Variants in SHC2 observed in about 807,000 individuals in gnomAD.
SHC2 encodes SHC adaptor protein 2.
A neutral mutation model predicts 60.6 loss-of-function variants in SHC2; 62 were observed. That is an observed-to-expected ratio of 1.02 (90% CI 0.83 to 1.26). The LOEUF (loss-of-function observed/expected upper bound fraction) is 1.26, where lower values mean the gene tolerates loss of function less well. Among genes scored for constraint, SHC2 ranks in the 50% most tolerant of loss-of-function variants. The pLI is 0.00. For missense variants in SHC2, 873 were observed against 822.2 expected, an observed-to-expected ratio of 1.06 and a Z score of -0.76; for synonymous variants, 375 against 372.4, an observed-to-expected ratio of 1.01 and a Z score of -0.08.
Position 445,239 on chromosome 19 carries a change from G to T in SHC2, c.469-4307C>A, listed in dbSNP as rs1340006560. Among the ~76,000 whole-genome samples, 2 of 152,322 alleles carry T rather than the reference G, an allele frequency of 1.3e-5. No homozygotes were observed. Among genetic ancestry groups the T allele is most frequent in the East Asian group, 3.9e-4 (2 of 5,180 alleles). ...CCACTGTGAGGGTATTTAAAGGTGG[G>T]CCTTTGGGAGGTGAGGAGGCTATGA... On this transcript the variant is annotated intron_variant, in intron 1 of 12. Transcript: ENST00000264554. The surrounding 1 kb of genome is among the most constrained non-coding windows in gnomAD (Gnocchi z 4.4).
chr19:429,909 T>C (rs1264906983), intron 9 of SHC2, among the ~76,000 whole-genome samples: 3 of 133,784 alleles, frequency 2.2e-5, no homozygotes, highest in African/African-American at 8.7e-5. Flanking sequence ...AGAAACCTAA[T>C]ACCGTGTGGA....
rs149705923 is a variant in SHC2, at chr19:438,784, G to T, written c.654C>A (p.Ala218=). Residue 218 remains alanine, a synonymous_variant, in exon 4 of 13, where the codon GCC becomes GCA. Transcript: ENST00000264554. The surrounding 1 kb of genome is among the most constrained non-coding windows in gnomAD (Gnocchi z 5.0). ...AGATGTGGATGGAGATGCTCATGCC[G>T]GCAAAGCGAAGGTTGCTCTTGCCCA... is the stretch of plus-strand genomic sequence containing the variant. ...SVLGKSNLRF[A]GMSISIHIST... is the part of the protein sequence containing the mutation. The T allele has an allele frequency of 1.3e-6, 2 of 1,575,992 alleles. No individual in the cohort carries two copies. Among genetic ancestry groups the T allele is most frequent in the Non-Finnish European group, 1.7e-6 (2 of 1,162,240 alleles).
chr19:421,397 C>CAAAAAAAAAAA (rs10582067), intron 11 of SHC2, among the ~76,000 whole-genome samples: 4 of 120,112 alleles, frequency 3.3e-5, no homozygotes, highest in Non-Finnish European at 6.8e-5. Context: ...GAGACTCCAT[C>CAAAAAAAAAAA]AAAAAAAAAA....
At chr19:448,488 G>A (rs1199676473) in intron 1 of SHC2, among the ~76,000 whole-genome samples, 2 of 152,226 alleles carry the variant, frequency 1.3e-5, no homozygotes, top group Admixed American at 6.5e-5. Context: ...ACGAGCCATT[G>A]CATTTAGGCC....
At chr19:460,480 A>C in intron 1 of SHC2, 49 bp downstream of exon 1, 4 of 698,858 alleles carry the variant, frequency 5.7e-6, no homozygotes, top group Non-Finnish European at 3.2e-6. Context: ...AGGGTGGGGG[A>C]GGGGAGGCCG....
chr19:446,841 G>A lies in SHC2; in HGVS notation c.469-5909C>T, dbSNP rs1408651292. Among the ~76,000 whole-genome samples the A allele has an allele frequency of 6.6e-6, 1 of 152,152 alleles. No homozygotes were observed. The highest frequency in any genetic ancestry group is 6.5e-5 in the Admixed American group (1 of 15,282). ...CCAGAGAGGGGATGGCACCTGGCCG[G>A]CCTCACGCACGCAGCAGGCCAGGGC... On this transcript the variant is annotated intron_variant, in intron 1 of 12. Transcript: ENST00000264554. This position sits in a 1 kb window ranked among gnomAD's most constrained non-coding sequence, Gnocchi z 5.4.
intron 1 of SHC2, among the ~76,000 whole-genome samples, chr19:448,970 T>G (rs537704235): frequency 1.3e-5 from 2 of 149,006 alleles, no homozygotes; most frequent in Admixed American, 6.7e-5. Context: ...CTGGGCAACA[T>G]GGTGAAACCC....
rs757400094 is a variant in SHC2, at chr19:436,428, T to C, written c.778A>G (p.Met260Val). The C allele has an allele frequency of 2.5e-6, 4 of 1,601,784 alleles. No homozygotes were observed. The highest frequency in any genetic ancestry group is 4.5e-5 in the East Asian group (2 of 44,654). The change falls in exon 6 of 13, where the codon ATG (methionine) becomes GTG (valine). Residue 260 changes from methionine to valine, a missense_variant. Physicochemically the swap from Met to Val is conservative, Grantham distance 21. Coordinates refer to ENST00000264554, the MANE Select transcript of SHC2 (RefSeq NM_012435.3). ...ISFASGGDTD[M>V]TDYVAYVAKD... The stretch of plus-strand genomic sequence containing the variant: ...GCGACGTAGGCCACGTAATCCGTCA[T>C]GTCCTGGGGGCGGGGAGGGGCCAGC...
intron 1 of SHC2, among the ~76,000 whole-genome samples, chr19:442,479 G>A (rs1455335916): frequency 1.3e-4 from 13 of 102,884 alleles, no homozygotes; most frequent in Admixed American, 2.0e-4. Flanking sequence ...GGATGGGTGG[G>A]TGGATGGGTG....
At chr19:429,814 C>T (rs975094132) in intron 9 of SHC2, among the ~76,000 whole-genome samples, 71 of 148,930 alleles carry the variant, frequency 4.8e-4, no homozygotes, top group Non-Finnish European at 1.9e-4. Context: ...AACCTCATAC[C>T]GTGTGGATGA....
chr19:454,718 A>C (rs893532988), intron 1 of SHC2, among the ~76,000 whole-genome samples: 3 of 151,560 alleles, frequency 2.0e-5, no homozygotes, highest in African/African-American at 7.3e-5. Context: ...TGAACCCGGG[A>C]GGCGGAGGTT....
rs200468640 is a variant in SHC2 at position 422,392 on chromosome 19, A to G, written c.1374T>C (p.Pro458=). ...CSVAAGVTAA[P]LPLEDQWPSP... is the part of the protein sequence containing the mutation. ...TGGGCCACTGGTCCTCCAAGGGAAGAGGGGCTGCTGTCACGCCTGCCGCCA... is the reference window on the plus strand; with the variant it reads ...TGGGCCACTGGTCCTCCAAGGGAAGGGGGGCTGCTGTCACGCCTGCCGCCA... Residue 458 remains proline (P), a synonymous_variant, in exon 11 of 13, where the codon CCT becomes CCC. Coordinates refer to ENST00000264554, the MANE Select transcript of SHC2 (RefSeq NM_012435.3). This position sits in a 1 kb window ranked among gnomAD's most constrained non-coding sequence, Gnocchi z 5.0. 2.6e-4 allele frequency: 412 copies of G among 1,599,756 alleles called. 2 individuals are homozygous for G. The African/African-American group carries it at 4.9e-3, about 19-fold the overall frequency.
At chr19:450,560 G>A (rs1202993590) in intron 1 of SHC2, among the ~76,000 whole-genome samples, 1 of 152,152 alleles carries the variant, frequency 6.6e-6, no homozygotes. Context: ...TGGCTCTGGG[G>A]ACCTCTGATG....
intron 2 of SHC2, chr19:439,457 C>A (rs142968754): frequency 1.9e-3 from 409 of 215,726 alleles, no homozygotes; most frequent in African/African-American, 0.011. Context: ...GGGTCCGTGT[C>A]GAGATCCTGT....
chr19:434,739 T>C lies in SHC2; in HGVS notation c.1080A>G (p.Thr360=). 6.2e-7 allele frequency: 1 copy of C among 1,612,302 alleles called. No individual in the cohort carries two copies. Among genetic ancestry groups the C allele is most frequent in the Non-Finnish European group, 8.5e-7 (1 of 1,179,658 alleles). The part of the protein sequence containing the change: ...GGLVDSRLAL[T]QPCALTALDQ... Reference sequence around the variant, plus strand: ...CGAGGGCCGTGAGGGCGCAGGGCTGTGTCAGGGCCAGCCTGGAGTCCACTA... The same window carrying C: ...CGAGGGCCGTGAGGGCGCAGGGCTGCGTCAGGGCCAGCCTGGAGTCCACTA... Residue 360 remains threonine (T), a synonymous_variant, in exon 8 of 13, where the codon ACA becomes ACG. Transcript: ENST00000264554.
intron 7 of SHC2, 145 bp downstream of exon 7, chr19:436,020 T>C: frequency 1.2e-6 from 1 of 863,784 alleles, no homozygotes; most frequent in Non-Finnish European, 1.7e-6. Flanking sequence ...AACAGGATCC[T>C]CTGGCTGAGC....
chr19:460,148 C>A (rs1975504120), intron 1 of SHC2, among the ~76,000 whole-genome samples: 1 of 152,228 alleles, frequency 6.6e-6, no homozygotes, highest in African/African-American at 2.4e-5. Context: ...ACCCCCACCG[C>A]AGGCCAGCGT....
rs1974351926 is a variant in SHC2 at position 424,223 on chromosome 19, C to G, written c.1309+874G>C. On this transcript the variant is annotated intron_variant, in intron 10 of 12. Transcript: ENST00000264554. This position sits in a 1 kb window ranked among gnomAD's most constrained non-coding sequence, Gnocchi z 4.5. ...GACACCTCAGCCAAGGAAGGACAAG[C>G]CTCCTCCGCCCGGCTGGGGGCTCCC... Among the ~76,000 whole-genome samples, 1 of 152,156 alleles carries G rather than the reference C, an allele frequency of 6.6e-6. No individual in the cohort carries two copies. Among genetic ancestry groups the G allele is most frequent in the African/African-American group, 2.4e-5 (1 of 41,448 alleles).
At chr19:448,080 G>GC (rs1425986121) in intron 1 of SHC2, among the ~76,000 whole-genome samples, 37 of 152,236 alleles carry the variant, frequency 2.4e-4, no homozygotes, top group Non-Finnish European at 4.1e-4. Context: ...GGCCTGGCCT[G>GC]CGAGTGGCTC....
Sources: allele counts gnomAD v4.1 joint callset (sites outside exome capture counted in the v4.1 genomes callset), GRCh38; gene constraint gnomAD v4.1.1; non-coding constraint Gnocchi (gnomAD v3.1); transcripts MANE v1.5; gene names NCBI Gene and HGNC (gene_info 2026-07-23, HGNC 2026-07-21).